FAF1: variants seen among roughly 807,000 people sequenced by gnomAD.
FAF1 encodes the protein Fas associated factor 1.
FAF1 carries 25 observed loss-of-function variants against 92.5 expected under a neutral mutation model. The ratio of observed to expected loss-of-function variants is 0.27; its 90% CI spans 0.20 to 0.38. FAF1 has a LOEUF of 0.38. Among genes scored for constraint, FAF1 ranks in the 10% least tolerant of loss-of-function variants. The probability of loss-of-function intolerance (pLI) is 1.00; values close to 1 mark genes in which losing one functional copy is unlikely to be tolerated. For missense variants in FAF1, 636 were observed against 793.3 expected, an observed-to-expected ratio of 0.80 and a Z score of 2.38; for synonymous variants, 234 against 273.2, an observed-to-expected ratio of 0.86 and a Z score of 1.42.
chr1:50,457,471 C>T (rs1338863741), intron 18 of FAF1, among the ~76,000 whole-genome samples: 3 of 152,146 alleles, frequency 2.0e-5, no homozygotes, highest in Non-Finnish European at 4.4e-5. Context: ...GGTTATTATA[C>T]AGACTTTAAG....
chr1:50,823,174 C>T (rs1557545438), intron 2 of FAF1, among the ~76,000 whole-genome samples: 3 of 152,266 alleles, frequency 2.0e-5, no homozygotes, highest in East Asian at 3.9e-4. Flanking sequence ...GCTATATCTG[C>T]TTTATATTAC....
intron 1 of FAF1, among the ~76,000 whole-genome samples, chr1:50,858,708 A>C (rs1484230150): frequency 1.3e-5 from 2 of 151,898 alleles, no homozygotes; most frequent in Non-Finnish European, 2.9e-5. Flanking sequence ...ATAAATACTA[A>C]GAAAAAATTA....
intron 13 of FAF1, among the ~76,000 whole-genome samples, chr1:50,556,060 C>T (rs1318464286): frequency 2.6e-5 from 4 of 151,058 alleles, no homozygotes; most frequent in African/African-American, 9.7e-5. Flanking sequence ...TTCAATGAAA[C>T]CCCGTCTCCA....
chr1:50,912,390 T>C (rs1158649656), intron 1 of FAF1, among the ~76,000 whole-genome samples: 1 of 152,198 alleles, frequency 6.6e-6, no homozygotes, highest in African/African-American at 2.4e-5. Flanking sequence ...GGGTGATTCT[T>C]ACATTGATTA....
chr1:50,582,464 C>T (rs1651034857), intron 12 of FAF1, 154 bp downstream of exon 12: 1 of 596,478 alleles, frequency 1.7e-6, no homozygotes, highest in African/African-American at 1.8e-5. Flanking sequence ...ATTAGCATGG[C>T]CCATGCACAA....
At chr1:50,935,801 G>A (rs1176432708) in intron 1 of FAF1, among the ~76,000 whole-genome samples, 1 of 152,146 alleles carries the variant, frequency 6.6e-6, no homozygotes, top group African/African-American at 2.4e-5. Context: ...ACACATAGAA[G>A]TAATTATGAA....
chr1:50,566,550 T>A, intron 13 of FAF1, among the ~76,000 whole-genome samples: 1 of 151,676 alleles, frequency 6.6e-6, no homozygotes, highest in Admixed American at 6.6e-5. Flanking sequence ...AGGAAAGGAA[T>A]TTTTTTTTCC....
chr1:50,724,237 CAAAAAAAA>C (rs79635813), intron 6 of FAF1, among the ~76,000 whole-genome samples: 2 of 88,850 alleles, frequency 2.3e-5, no homozygotes, highest in Non-Finnish European at 4.3e-5. Flanking sequence ...GACTGTCTTT[CAAAAAAAA>C]AAAAAAAAAA....
intron 7 of FAF1, among the ~76,000 whole-genome samples, chr1:50,681,529 CAG>C (rs1656419095): frequency 6.6e-6 from 1 of 151,944 alleles, no homozygotes; most frequent in South Asian, 2.1e-4. Flanking sequence ...TTTTTTGAGA[CAG>C]AGTTTCACTC....
intron 14 of FAF1, among the ~76,000 whole-genome samples, chr1:50,538,080 T>C (rs558949118): frequency 3.5e-4 from 53 of 151,912 alleles, no homozygotes; most frequent in South Asian, 4.2e-4. Flanking sequence ...ATTTCTCTGC[T>C]GAATGCTGAC....
At chr1:50,717,614 C>T (rs1261848070) in intron 6 of FAF1, among the ~76,000 whole-genome samples, 1 of 152,180 alleles carries the variant, frequency 6.6e-6, no homozygotes, top group African/African-American at 2.4e-5. Context: ...TTCTAATGTA[C>T]AAATCCAAAT....
chr1:50,906,422 A>G (rs12073279), intron 1 of FAF1, among the ~76,000 whole-genome samples: 13,171 of 152,208 alleles, frequency 0.087, 590 homozygotes, highest in African/African-American at 0.098. Flanking sequence ...GAAGAAAGTC[A>G]TTGGTGGCTT....
intron 12 of FAF1, among the ~76,000 whole-genome samples, chr1:50,573,033 A>C (rs566005028): frequency 9.2e-5 from 14 of 152,188 alleles, no homozygotes; most frequent in African/African-American, 3.4e-4. Context: ...CATCAATGCT[A>C]TAAGTAGAAA....
intron 4 of FAF1, among the ~76,000 whole-genome samples, chr1:50,767,256 C>T (rs1315190040): frequency 2.0e-5 from 3 of 152,006 alleles, no homozygotes; most frequent in African/African-American, 7.2e-5. Context: ...ATAACTCAGA[C>T]TAAAATTAAA....
intron 8 of FAF1, chr1:50,612,389 A>G: frequency 8.3e-7 from 1 of 1,207,276 alleles, no homozygotes; most frequent in Non-Finnish European, 1.1e-6. Flanking sequence ...CCGTTAGTGG[A>G]GAAACCTCAT....
intron 1 of FAF1, among the ~76,000 whole-genome samples, chr1:50,864,750 T>C (rs1644465951): frequency 6.6e-6 from 1 of 152,154 alleles, no homozygotes. Flanking sequence ...GAAGAAAACC[T>C]AGGCATTACC....
chr1:50,528,969 C>T (rs1488983931), intron 15 of FAF1, among the ~76,000 whole-genome samples: 1 of 152,088 alleles, frequency 6.6e-6, no homozygotes, highest in Non-Finnish European at 1.5e-5. Context: ...TATTAATGCG[C>T]TATATAATAC....
intron 17 of FAF1, among the ~76,000 whole-genome samples, chr1:50,482,085 G>A (rs1646710719): frequency 6.6e-6 from 1 of 152,032 alleles, no homozygotes; most frequent in Non-Finnish European, 1.5e-5. Flanking sequence ...GCATATATTT[G>A]CATAAGTACC....
At chr1:50,632,500 T>A (rs1304794255) in intron 8 of FAF1, among the ~76,000 whole-genome samples, 1 of 152,230 alleles carries the variant, frequency 6.6e-6, no homozygotes, top group Non-Finnish European at 1.5e-5. Context: ...CTATTCTTTT[T>A]AATCTCTTCA....
Sources: gnomAD v4.1 joint callset for allele counts (sites outside exome capture counted in the v4.1 genomes callset) on GRCh38, gnomAD v4.1.1 for gene constraint, MANE v1.5 for transcripts, NCBI Gene and HGNC (gene_info 2026-07-23, HGNC 2026-07-21) for gene names.